The following OSBPL9 variants were observed in gnomAD, a reference collection of about 807,000 sequenced individuals.
The protein encoded by OSBPL9 is oxysterol binding protein like 9.
OSBPL9 carries 40 observed loss-of-function variants against 106.6 expected under a neutral mutation model. The ratio of observed to expected loss-of-function variants is 0.38; its 90% CI spans 0.29 to 0.49. OSBPL9 has a LOEUF of 0.49. Ranked by LOEUF, OSBPL9 falls within the 20% of genes least tolerant of loss-of-function variation. The pLI, the probability that OSBPL9 is intolerant of heterozygous loss-of-function variation, is 0.97. For missense variants in OSBPL9, 609 were observed against 887.2 expected, an observed-to-expected ratio of 0.69 and a Z score of 3.98; for synonymous variants, 269 against 295.4, an observed-to-expected ratio of 0.91 and a Z score of 0.92.
chr1:51,691,045 A>G (rs1203349345), intron 3 of OSBPL9, among the ~76,000 whole-genome samples: 2 of 152,172 alleles, frequency 1.3e-5, no homozygotes, highest in African/African-American at 4.8e-5. Flanking sequence ...AATATAGCAT[A>G]AAAGATAAAA....
In OSBPL9 at chr1:51,747,628, A is replaced by G. The variant is rs139846415; in HGVS notation, c.463-741A>G. On this transcript the variant is annotated intron_variant, in intron 6 of 23. Transcript: ENST00000428468. ...GCGTTTGGCTCTTTTATACCTGTTA[A>G]TAGTAACTCATGTTATAACTCACCT... Among the ~76,000 whole-genome samples the G allele has an allele frequency of 1.3e-4, 18 of 136,700 alleles. No homozygotes were observed. The East Asian group carries it at 2.9e-3, about 22-fold the overall frequency. 89.7% of individuals were successfully genotyped at this position (136,700 alleles called of 152,430 possible). A position where few individuals can be genotyped will look rare whatever the true frequency, so the allele number is the denominator to read the frequency against.
intron 3 of OSBPL9, among the ~76,000 whole-genome samples, chr1:51,706,529 A>C (rs1571211597): frequency 2.6e-5 from 4 of 152,042 alleles, no homozygotes; most frequent in South Asian, 2.1e-4. Flanking sequence ...AGTTATTTTT[A>C]GGTAACCAAC....
At chr1:51,607,049 C>CA (rs1032792668) in intron 2 of OSBPL9, among the ~76,000 whole-genome samples, 24 of 139,082 alleles carry the variant, frequency 1.7e-4, no homozygotes, top group Admixed American at 3.7e-4. Flanking sequence ...GACTCCATCT[C>CA]AAAAAAAAAG....
chr1:51,706,402 A>G (rs1658547676), intron 3 of OSBPL9, among the ~76,000 whole-genome samples: 2 of 152,078 alleles, frequency 1.3e-5, no homozygotes, highest in Admixed American at 1.3e-4. Context: ...GAGTATGTGC[A>G]TCAGTTGTGA....
At chr1:51,596,023 G>A (rs1296637134) in intron 1 of OSBPL9, among the ~76,000 whole-genome samples, 7 of 152,016 alleles carry the variant, frequency 4.6e-5, no homozygotes, top group Admixed American at 6.6e-5. Flanking sequence ...TTGGGAGGCC[G>A]AAGTGGGTGG....
chr1:51,546,399 TAGATA>T, the OSBPL9 span, among the ~76,000 whole-genome samples: 1 of 151,960 alleles, frequency 6.6e-6, no homozygotes, highest in Non-Finnish European at 1.5e-5. Context: ...ACAAAATAAC[TAGATA>T]AAAGACAACA....
At chr1:51,786,345 T>C in intron 21 of OSBPL9, 181 bp from the exon 22 acceptor site, 1 of 540,978 alleles carries the variant, frequency 1.8e-6, no homozygotes, top group South Asian at 2.4e-5. Context: ...GAACTTGCAC[T>C]CTGTACTACT....
intron 3 of OSBPL9, among the ~76,000 whole-genome samples, chr1:51,701,642 G>GT (rs969142939): frequency 1.6e-4 from 23 of 140,200 alleles, no homozygotes; most frequent in East Asian, 1.0e-3. Flanking sequence ...CAAAATACTG[G>GT]TTTTTTTTGT....
chr1:51,691,337 T>G (rs1261382803), intron 3 of OSBPL9, among the ~76,000 whole-genome samples: 3 of 144,008 alleles, frequency 2.1e-5, no homozygotes, highest in African/African-American at 7.8e-5. Flanking sequence ...TGGAGTGTGG[T>G]GGCATGATCT....
In OSBPL9 at chr1:51,785,808, T is replaced by C; in HGVS notation, c.1830T>C (p.Phe610=). The part of the protein sequence containing the change: ...GKKHRITAEI[F]SPNDKKSFCS... The stretch of plus-strand genomic sequence containing the variant: ...CACAAGTATTTCCTTTTCTGTTCAG[T>C]TCTCCAAATGACAAGAAGTCTTTTT... The change falls in exon 21 of 24, where the codon TTT becomes TTC. Residue 610 remains phenylalanine, a splice_region_variant and synonymous_variant. Transcript: ENST00000428468. 2 of 1,611,094 alleles carry C rather than the reference T, an allele frequency of 1.2e-6. No individual in the cohort carries two copies. Among genetic ancestry groups the C allele is most frequent in the East Asian group, 4.5e-5 (2 of 44,818 alleles).
intron 12 of OSBPL9, among the ~76,000 whole-genome samples, chr1:51,766,517 T>C (rs1315311673): frequency 1.3e-5 from 2 of 152,146 alleles, no homozygotes; most frequent in African/African-American, 4.8e-5. Flanking sequence ...TCTAATGAAA[T>C]ACGTGGTATG....
chr1:51,597,225 G>A (rs1645304249), intron 1 of OSBPL9, among the ~76,000 whole-genome samples: 1 of 152,122 alleles, frequency 6.6e-6, no homozygotes, highest in Admixed American at 6.6e-5. Flanking sequence ...CCATGGGTAG[G>A]ATTTATAACT....
the OSBPL9 span, among the ~76,000 whole-genome samples, chr1:51,531,233 G>A: frequency 3.3e-5 from 5 of 151,894 alleles, no homozygotes; most frequent in Non-Finnish European, 2.9e-5. Flanking sequence ...AGCCAAGATC[G>A]TGCCACTGCA....
At chr1:51,561,666 CA>C in the OSBPL9 span, 1 of 152,086 alleles carries the variant, frequency 6.6e-6, no homozygotes, top group Non-Finnish European at 1.5e-5. Context: ...ATGGCATATG[CA>C]AAGTCTTTAA....
At chr1:51,736,595 A>G (rs758378848) in intron 4 of OSBPL9, among the ~76,000 whole-genome samples, 1 of 152,178 alleles carries the variant, frequency 6.6e-6, no homozygotes, top group African/African-American at 2.4e-5. Flanking sequence ...TTTTGCAGTT[A>G]TTTCAGAACC....
intron 1 of OSBPL9, among the ~76,000 whole-genome samples, chr1:51,639,401 A>G (rs1645638701): frequency 6.6e-6 from 1 of 152,226 alleles, no homozygotes; most frequent in African/African-American, 2.4e-5. Flanking sequence ...GTTTACATTT[A>G]TGCGTAAAGG....
At position 51,757,989 on chromosome 1, in the gene OSBPL9, T is replaced by G. The variant is rs72900006; in HGVS notation, c.582+1631T>G. Among the ~76,000 whole-genome samples the G allele has an allele frequency of 7.5e-3, 1,142 of 152,274 alleles. 10 individuals are homozygous for G. Among genetic ancestry groups the G allele is most frequent in the African/African-American group, 0.026 (1,080 of 41,568 alleles). On this transcript the variant is annotated intron_variant, in intron 9 of 23. Transcript: ENST00000428468. ...CAAAACAGATTAGGGCTGAGTAGTA[T>G]TATTTTTGCTTCTCAAGTTCTGCAC...
intron 2 of OSBPL9, among the ~76,000 whole-genome samples, chr1:51,605,905 G>A (rs1002138613): frequency 2.0e-5 from 3 of 151,988 alleles, no homozygotes; most frequent in African/African-American, 7.3e-5. Context: ...GCTTGAACCT[G>A]GGAGGTGGAG....
chr1:51,631,507 T>C (rs779936960), intron 1 of OSBPL9, among the ~76,000 whole-genome samples: 8 of 151,936 alleles, frequency 5.3e-5, no homozygotes, highest in Non-Finnish European at 1.2e-4. Flanking sequence ...TGCCACTGCA[T>C]TCCAGCCTAG....
Sources: allele counts gnomAD v4.1 joint callset (sites outside exome capture counted in the v4.1 genomes callset), GRCh38; gene constraint gnomAD v4.1.1; transcripts MANE v1.5; gene names NCBI Gene and HGNC (gene_info 2026-07-23, HGNC 2026-07-21).